Variants in TUB observed in about 807,000 individuals in gnomAD.
TUB encodes tubby protein homolog.
Under a neutral mutation model 59.7 loss-of-function variants are expected in TUB, and 33 were observed. The ratio of observed to expected loss-of-function variants is 0.55; its 90% CI spans 0.42 to 0.74. The LOEUF (loss-of-function observed/expected upper bound fraction) is 0.74, where lower values mean the gene tolerates loss of function less well. TUB is among the 30% of genes least tolerant of loss of function. The pLI, the probability that TUB is intolerant of heterozygous loss-of-function variation, is 0.00. For synonymous variants in TUB, 293 were observed against 256.4 expected (o/e 1.14, Z -1.36); for missense variants, 659 against 672.0 (o/e 0.98, Z 0.21).
In TUB at chr11:8,058,518, A is replaced by C. The variant is rs180831564; in HGVS notation, c.203+18826A>C. On this transcript the variant is annotated intron_variant, in intron 2 of 12. Transcript: ENST00000305253. ...TTTGTTGATTGTCTAGACCTGAGAA[A>C]GTGATGGGAAAAAATACTACTAATG... is the stretch of plus-strand genomic sequence containing the variant. 2.8e-3 allele frequency among the ~76,000 whole-genome samples: 429 copies of C among 152,350 alleles called. 3 individuals are homozygous for C. The highest frequency in any genetic ancestry group is 4.6e-3 in the Non-Finnish European group (314 of 68,024).
chr11:8,046,021 T>C lies in TUB; in HGVS notation c.203+6329T>C, dbSNP rs78813279. Among the ~76,000 whole-genome samples, 203 of 152,330 alleles carry C rather than the reference T, an allele frequency of 1.3e-3. 1 individual carries two copies. Among genetic ancestry groups the C allele is most frequent in the Middle Eastern group, 0.01 (3 of 292 alleles). The stretch of plus-strand genomic sequence containing the variant: ...CTCACAAGCATGTGCAGATCAGTAC[T>C]CAGCCAGAGATAAGGGAAGCCCTCT... On this transcript the variant is annotated intron_variant, in intron 2 of 12. Transcript: ENST00000305253.
chr11:8,100,695 AG>A (rs3215364), intron 10 of TUB, 94 bp downstream of exon 10: 390 of 1,484,556 alleles, frequency 2.6e-4, no homozygotes, highest in South Asian at 9.1e-4. Context: ...GTGTATGTGG[AG>A]GGGTACCATG....
intron 2 of TUB, among the ~76,000 whole-genome samples, chr11:8,041,186 C>G (rs1029630086): frequency 6.6e-6 from 1 of 152,196 alleles, no homozygotes; most frequent in African/African-American, 2.4e-5. Context: ...TACTGGGTTT[C>G]TGGGCTGGCT....
chr11:8,021,767 T>A (rs1034804548), intron 1 of TUB, among the ~76,000 whole-genome samples: 2 of 151,438 alleles, frequency 1.3e-5, no homozygotes, highest in Non-Finnish European at 2.9e-5. Context: ...TACAAAAAAA[T>A]TAGCTGGGCG....
intron 2 of TUB, among the ~76,000 whole-genome samples, chr11:8,074,706 C>T (rs1224177168): frequency 6.2e-5 from 9 of 145,610 alleles, no homozygotes; most frequent in Non-Finnish European, 1.0e-4. Context: ...GCCACTTATA[C>T]TCCAGCCTGG....
At chr11:8,085,414 G>T (rs1943647666) in intron 1 of TUB, among the ~76,000 whole-genome samples, 1 of 152,234 alleles carries the variant, frequency 6.6e-6, no homozygotes, top group Non-Finnish European at 1.5e-5. Context: ...TGGGAGGCTG[G>T]AACTCCTGTG....
Position 8,081,385 on chromosome 11 carries a change from G to A in TUB, c.-126G>A, listed in dbSNP as rs1228846934. Reference sequence around the variant, plus strand: ...CCTGGCGTGCAGCGCGGGCCTCGGCGGGGCCCAGCGCCCCGGCCCGGGAGG... The same window carrying A: ...CCTGGCGTGCAGCGCGGGCCTCGGCAGGGCCCAGCGCCCCGGCCCGGGAGG... On this transcript the variant is annotated 5_prime_UTR_variant, in exon 1 of 12. Coordinates refer to ENST00000299506, the MANE Select transcript of TUB (RefSeq NM_177972.3). 7.0e-6 allele frequency: 7 copies of A among 999,604 alleles called. No individual in the cohort carries two copies. Among genetic ancestry groups the A allele is most frequent in the Admixed American group, 1.2e-4 (2 of 16,530 alleles). The allele number at this position is 999,604 out of a possible 1,614,324, so 61.9% of individuals were successfully genotyped here. A position where few individuals can be genotyped will look rare whatever the true frequency, so the allele number is the denominator to read the frequency against.
chr11:8,097,641 G>A (rs1235780678), intron 7 of TUB, 73 bp from the exon 8 acceptor site: 2 of 1,388,746 alleles, frequency 1.4e-6, no homozygotes, highest in South Asian at 1.3e-5. Context: ...GAGAGAGTCT[G>A]TGTGAGTGGC....
chr11:8,093,204 C>T (rs755475815), intron 3 of TUB, among the ~76,000 whole-genome samples: 2 of 151,868 alleles, frequency 1.3e-5, no homozygotes, highest in African/African-American at 2.4e-5. Flanking sequence ...AGGTGACATC[C>T]AAGCTGAAAT....
intron 3 of TUB, among the ~76,000 whole-genome samples, chr11:8,092,546 G>A (rs1480105393): frequency 2.6e-5 from 4 of 152,136 alleles, no homozygotes; most frequent in East Asian, 1.9e-4. Flanking sequence ...TTTGGAACTC[G>A]AAGGAGCCAC....
chr11:8,096,470 T>G (rs1454124580), intron 5 of TUB, among the ~76,000 whole-genome samples: 1 of 152,174 alleles, frequency 6.6e-6, no homozygotes, highest in Non-Finnish European at 1.5e-5. Context: ...CCGGCTCATG[T>G]GTGTACCTGA....
intron 3 of TUB, among the ~76,000 whole-genome samples, chr11:8,091,262 A>G (rs1356570930): frequency 6.6e-6 from 1 of 152,160 alleles, no homozygotes; most frequent in Non-Finnish European, 1.5e-5. Context: ...ATTGGAGGGC[A>G]GCAGGTGGGT....
chr11:8,096,557 G>A (rs1368402463), intron 5 of TUB, 128 bp from the exon 6 acceptor site: 4 of 716,234 alleles, frequency 5.6e-6, no homozygotes, highest in African/African-American at 3.5e-5. Context: ...ATATGGCTAA[G>A]AGTGTGTGCA....
At chr11:8,077,220 G>A (rs544833038), upstream of TUB, 1 of 152,266 alleles carries the variant, frequency 6.6e-6, no homozygotes, top group Admixed American at 6.5e-5. Flanking sequence ...GATTATTCTT[G>A]GCTTAAAACC....
intron 2 of TUB, among the ~76,000 whole-genome samples, chr11:8,061,420 G>A (rs1456674471): frequency 6.6e-6 from 1 of 152,160 alleles, no homozygotes; most frequent in Admixed American, 6.5e-5. Flanking sequence ...GAAACACCCT[G>A]CGGTGCCTCT....
At chr11:8,027,685 T>C (rs759634397) in intron 1 of TUB, among the ~76,000 whole-genome samples, 15 of 152,128 alleles carry the variant, frequency 9.9e-5, no homozygotes, top group Non-Finnish European at 1.8e-4. Flanking sequence ...TGGCTATTTT[T>C]TGTATTTTTA....
chr11:8,063,063 A>C (rs1943164697), intron 2 of TUB, among the ~76,000 whole-genome samples: 1 of 152,178 alleles, frequency 6.6e-6, no homozygotes, highest in Non-Finnish European at 1.5e-5. Flanking sequence ...CTGCCCCATC[A>C]CAGTGTCTGG....
upstream of TUB, among the ~76,000 whole-genome samples, chr11:8,080,649 G>T (rs1943531800): frequency 6.6e-6 from 1 of 152,204 alleles, no homozygotes; most frequent in African/African-American, 2.4e-5. Flanking sequence ...ATTTGCAAGG[G>T]CTGGGAATGC....
chr11:8,061,182 G>A (rs2280726), intron 2 of TUB, among the ~76,000 whole-genome samples: 109,128 of 152,138 alleles, frequency 0.72, 39,718 homozygotes, highest in Non-Finnish European at 0.76. Context: ...ACAGGACAAA[G>A]CACATTTCCT....
Sources: gnomAD v4.1 joint callset for allele counts (sites outside exome capture counted in the v4.1 genomes callset) on GRCh38, gnomAD v4.1.1 for gene constraint, MANE v1.5 for transcripts, NCBI Gene and HGNC (gene_info 2026-07-23, HGNC 2026-07-21) for gene names.